The following SMYD3 variants were observed in gnomAD, a reference collection of about 807,000 sequenced individuals.
SMYD3 encodes histone-lysine N-methyltransferase SMYD3.
Under a neutral mutation model 57.7 loss-of-function variants are expected in SMYD3, and 36 were observed. That is an observed-to-expected ratio of 0.62 (90% CI 0.48 to 0.82). The LOEUF is 0.82. Ranked by LOEUF, SMYD3 falls within the 40% of genes least tolerant of loss-of-function variation. The pLI is 0.00. For synonymous variants in SMYD3, 211 were observed against 195.0 expected, an observed-to-expected ratio of 1.08 and a Z score of -0.68; for missense variants, 515 against 538.8, an observed-to-expected ratio of 0.96 and a Z score of 0.44.
chr1:245,965,374 C>T (rs984701811), intron 5 of SMYD3, among the ~76,000 whole-genome samples: 7 of 152,242 alleles, frequency 4.6e-5, no homozygotes, highest in Admixed American at 6.5e-5. Context: ...GCAAACTCTA[C>T]GGCAACCATT....
At chr1:246,015,997 G>A (rs557743398) in intron 5 of SMYD3, among the ~76,000 whole-genome samples, 41 of 152,238 alleles carry the variant, frequency 2.7e-4, no homozygotes, top group African/African-American at 7.7e-4. Context: ...ATGTGAGATC[G>A]AGGCCTAAGC....
At chr1:246,029,861 A>G (rs892858401) in intron 5 of SMYD3, among the ~76,000 whole-genome samples, 1 of 152,040 alleles carries the variant, frequency 6.6e-6, no homozygotes, top group Non-Finnish European at 1.5e-5. Context: ...GTGAAAATGC[A>G]GAGAAAAGGG....
At chr1:246,501,978 C>A (rs2068462854) in intron 1 of SMYD3, among the ~76,000 whole-genome samples, 1 of 152,160 alleles carries the variant, frequency 6.6e-6, no homozygotes, top group South Asian at 2.1e-4. Context: ...TCTGGCACCT[C>A]TTCTTCTTAC....
At chr1:246,457,546 AAAG>A (rs1360578302) in intron 1 of SMYD3, among the ~76,000 whole-genome samples, 2,529 of 79,726 alleles carry the variant, frequency 0.032, 89 homozygotes, top group African/African-American at 0.095. Flanking sequence ...AAAAAAAAAA[AAAG>A]AAAAGAAAAG....
At chr1:246,378,001 A>G (rs940754144) in intron 1 of SMYD3, among the ~76,000 whole-genome samples, 5 of 152,172 alleles carry the variant, frequency 3.3e-5, no homozygotes, top group African/African-American at 1.2e-4. Flanking sequence ...CCCTTGACAA[A>G]TGGTCAGGGT....
At chr1:246,375,700 C>T (rs1285654655) in intron 1 of SMYD3, among the ~76,000 whole-genome samples, 1 of 152,088 alleles carries the variant, frequency 6.6e-6, no homozygotes, top group Non-Finnish European at 1.5e-5. Flanking sequence ...ATAATGTGAA[C>T]TGGCTAAAAT....
At chr1:245,885,381 T>G (rs2053032949) in intron 8 of SMYD3, among the ~76,000 whole-genome samples, 1 of 152,206 alleles carries the variant, frequency 6.6e-6, no homozygotes, top group African/African-American at 2.4e-5. Flanking sequence ...CTTTTCTTAT[T>G]GGCACAGCTG....
At chr1:245,971,779 T>C (rs2058310613) in intron 5 of SMYD3, among the ~76,000 whole-genome samples, 1 of 152,214 alleles carries the variant, frequency 6.6e-6, no homozygotes, top group African/African-American at 2.4e-5. Context: ...TGCTGCTTTG[T>C]GGGAGGCCCT....
intron 5 of SMYD3, among the ~76,000 whole-genome samples, chr1:246,310,240 G>A (rs960400179): frequency 7.3e-5 from 11 of 151,562 alleles, no homozygotes; most frequent in Middle Eastern, 3.4e-3. Flanking sequence ...TAGAGGACAA[G>A]AGAAATCGGA....
chr1:246,481,607 T>TACATACACACATACATACATAC (rs1553354775), intron 1 of SMYD3, among the ~76,000 whole-genome samples: 7 of 61,978 alleles, frequency 1.1e-4, no homozygotes, highest in African/African-American at 3.4e-4. Context: ...TATATATATA[T>TACATACACACATACATACATAC]ACACATACAT....
At chr1:246,418,751 C>T (rs115714910) in intron 1 of SMYD3, among the ~76,000 whole-genome samples, 10 of 152,218 alleles carry the variant, frequency 6.6e-5, no homozygotes, top group Admixed American at 2.6e-4. Context: ...CCAAACTCCA[C>T]GTCGTTCTGC....
chr1:246,124,325 A>AAATG (rs2061471910), intron 5 of SMYD3, among the ~76,000 whole-genome samples: 1 of 151,336 alleles, frequency 6.6e-6, no homozygotes, highest in South Asian at 2.1e-4. Context: ...AAAAAGTTCC[A>AAATG]AATGAATGAA....
chr1:245,797,828 C>CAAAAAAAAAA lies in SMYD3; in HGVS notation c.1077-33689_1077-33680dup, dbSNP rs559088835. 9.0e-4 allele frequency among the ~76,000 whole-genome samples: 98 copies of CAAAAAAAAAA among 109,428 alleles called. 1 individual carries two copies. Among genetic ancestry groups the CAAAAAAAAAA allele is most frequent in the African/African-American group, 3.6e-3 (95 of 26,252 alleles). 71.8% of individuals were successfully genotyped at this position (109,428 alleles called of 152,430 possible). On this transcript the variant is annotated intron_variant, in intron 10 of 11. Transcript: ENST00000490107. ...TGTCCTCTCAATTGCTTCCGGGTTCCAAAAAAAAAAAAAAAAAAAAGGTGG... is the reference window on the plus strand; with the variant it reads ...TGTCCTCTCAATTGCTTCCGGGTTCCAAAAAAAAAAAAAAAAAAAAAAAAAAAAAAGGTGG...
At chr1:246,460,912 C>T (rs2103038345) in intron 1 of SMYD3, among the ~76,000 whole-genome samples, 1 of 152,296 alleles carries the variant, frequency 6.6e-6, no homozygotes, top group Middle Eastern at 3.4e-3. Flanking sequence ...ATTTTTACCA[C>T]ACTTACAATG....
At chr1:246,319,674 A>G (rs188376162) in intron 5 of SMYD3, among the ~76,000 whole-genome samples, 8 of 152,304 alleles carry the variant, frequency 5.3e-5, no homozygotes, top group African/African-American at 1.9e-4. Flanking sequence ...CACACTCCTG[A>G]CCTTTCAAAA....
chr1:246,089,496 C>T (rs533790064), intron 5 of SMYD3, among the ~76,000 whole-genome samples: 51 of 152,208 alleles, frequency 3.4e-4, no homozygotes, highest in African/African-American at 1.0e-3. Flanking sequence ...CTATTTCGAG[C>T]CAGAATAGCT....
chr1:245,845,129 A>C (rs1418378272), intron 10 of SMYD3, among the ~76,000 whole-genome samples: 1 of 152,192 alleles, frequency 6.6e-6, no homozygotes, highest in African/African-American at 2.4e-5. Flanking sequence ...TTTGATATAC[A>C]TAACTTCTAC....
chr1:245,999,440 T>G (rs1438014796), intron 5 of SMYD3, among the ~76,000 whole-genome samples: 1 of 152,136 alleles, frequency 6.6e-6, no homozygotes, highest in African/African-American at 2.4e-5. Context: ...TTAAAGTTAA[T>G]AATTCTGAAA....
At chr1:246,145,576 C>A (rs1432264324) in intron 5 of SMYD3, among the ~76,000 whole-genome samples, 1 of 152,142 alleles carries the variant, frequency 6.6e-6, no homozygotes, top group African/African-American at 2.4e-5. Context: ...CTTCAATGAA[C>A]CTGAGATCTT....
Sources: allele counts gnomAD v4.1 joint callset (sites outside exome capture counted in the v4.1 genomes callset), GRCh38; gene constraint gnomAD v4.1.1; transcripts MANE v1.5; gene names NCBI Gene and HGNC (gene_info 2026-07-23, HGNC 2026-07-21).